Variants in NLRP7 observed in about 807,000 individuals in gnomAD.
NLRP7 encodes NLR family pyrin domain containing 7, also known as NACHT, LRR and PYD domains-containing protein 7.
In NLRP7, 72 loss-of-function variants were observed where a neutral mutation model predicts 85.5. The observed-to-expected ratio is 0.84, with a 90% CI of 0.70 to 1.02. The LOEUF (loss-of-function observed/expected upper bound fraction) is 1.02. Among genes scored for constraint, NLRP7 ranks in the 50% least tolerant of loss-of-function variants. The pLI is 0.00. For missense variants in NLRP7, 1,243 were observed against 1,219.5 expected (o/e 1.02, Z -0.29); for synonymous variants, 550 against 505.2 (o/e 1.09, Z -1.19).
rs1384317582 is a variant in NLRP7, at chr19:54,960,407, CA to C, written c.-77+5632del. Among the ~76,000 whole-genome samples, 11 of 151,700 alleles carry C rather than the reference CA, an allele frequency of 7.3e-5. No homozygotes were observed. In the East Asian group the frequency reaches 2.1e-3, roughly 29 times the overall value. On this transcript the variant is annotated intron_variant, in intron 1 of 2. Coordinates refer to the NLRP7 transcript ENST00000587103. ...CTGACCTCAAGTGATCCACCCATCT[CA>C]GCCTCCCAAAGTGCTGGGATTACAG...
chr19:54,947,342 A>G, intron 1 of NLRP7, 127 bp downstream of exon 1: 1 of 662,708 alleles, frequency 1.5e-6, no homozygotes, highest in Non-Finnish European at 2.3e-6. Flanking sequence ...AAAAAAAATC[A>G]AAGATCCTTC....
chr19:54,934,450 G>T lies in NLRP7; in HGVS notation c.2471+39C>A. ...TTACCCTTTCTCTTCTATAGCCCCAGAACTAAACCAGAGCTGCCCATGGGA... is the reference window on the plus strand; with the variant it reads ...TTACCCTTTCTCTTCTATAGCCCCATAACTAAACCAGAGCTGCCCATGGGA... On this transcript the variant is annotated intron_variant, in intron 7 of 9. Transcript: ENST00000340844. The surrounding 1 kb of genome is among the most constrained non-coding windows in gnomAD (Gnocchi z 6.7). 6.2e-7 allele frequency: 1 copy of T among 1,608,256 alleles called. No individual in the cohort carries two copies. Among genetic ancestry groups the T allele is most frequent in the Non-Finnish European group, 8.5e-7 (1 of 1,174,642 alleles).
intron 8 of NLRP7, 22 bp downstream of exon 8, chr19:54,933,547 C>T (rs761072627): frequency 2.8e-5 from 45 of 1,613,594 alleles, no homozygotes; most frequent in Non-Finnish European, 3.7e-5. Flanking sequence ...TGCACACACA[C>T]ACACACCCAG....
At chr19:54,957,451 T>C (rs1244036271) in intron 1 of NLRP7, among the ~76,000 whole-genome samples, 1 of 151,468 alleles carries the variant, frequency 6.6e-6, no homozygotes, top group African/African-American at 2.4e-5. Context: ...GTTCAAGTGA[T>C]TCTCCTGCCT....
chr19:54,941,508 C>T (rs2069223839), exon 2 of NLRP7: 1 of 1,613,836 alleles, frequency 6.2e-7, no homozygotes, highest in African/African-American at 1.3e-5. Context: ...CAGTCGCATT[C>T]CTTATCCAAT....
chr19:54,934,399 A>C lies in NLRP7; in HGVS notation c.2471+90T>G. The C allele has an allele frequency of 7.5e-7, 1 of 1,336,254 alleles. No homozygotes were observed. The highest frequency in any genetic ancestry group is 1.1e-6 in the Non-Finnish European group (1 of 926,630). The allele number at this position is 1,336,254 out of a possible 1,614,324, so 82.8% of individuals were successfully genotyped here. Reference sequence around the variant, plus strand: ...GGTGTTTATTTCAGCAAGAGGCGCCACGTGGGTGGCGCAGTAAGTCAGGTG... The same window carrying C: ...GGTGTTTATTTCAGCAAGAGGCGCCCCGTGGGTGGCGCAGTAAGTCAGGTG... On this transcript the variant is annotated intron_variant, in intron 7 of 9. Coordinates refer to ENST00000340844, the Ensembl canonical transcript of NLRP7. The surrounding 1 kb of genome is among the most constrained non-coding windows in gnomAD (Gnocchi z 6.7).
intron 1 of NLRP7, among the ~76,000 whole-genome samples, chr19:54,959,500 T>A (rs1405394157): frequency 6.6e-6 from 1 of 151,456 alleles, no homozygotes; most frequent in Non-Finnish European, 1.5e-5. Context: ...TGAGACGGTT[T>A]CTCTCTTCCC....
intron 8 of NLRP7, among the ~76,000 whole-genome samples, chr19:54,931,737 C>T (rs2068687924): frequency 6.6e-6 from 1 of 151,688 alleles, no homozygotes; most frequent in African/African-American, 2.4e-5. Context: ...GTAATCCTAG[C>T]TACTCAGGAG....
chr19:54,935,920 A>C (rs1434178994), intron 6 of NLRP7, among the ~76,000 whole-genome samples: 1 of 152,042 alleles, frequency 6.6e-6, no homozygotes, highest in Admixed American at 6.6e-5. Context: ...CTGTGGAAAA[A>C]ACTGTCTTGT....
intron 1 of NLRP7, among the ~76,000 whole-genome samples, chr19:54,964,770 G>A (rs2146300292): frequency 7.0e-6 from 1 of 142,116 alleles, no homozygotes; most frequent in African/African-American, 2.6e-5. Context: ...AGGCTGCGGG[G>A]AGCCGAGATC....
chr19:54,948,793 A>G (rs1363971612), upstream of NLRP7: 1 of 152,180 alleles, frequency 6.6e-6, no homozygotes, highest in East Asian at 1.9e-4. Context: ...CTGGTCTCAA[A>G]CTCCTGATGT....
intron 5 of NLRP7, among the ~76,000 whole-genome samples, chr19:54,936,931 C>A (rs772230564): frequency 3.4e-5 from 5 of 146,900 alleles, no homozygotes; most frequent in Non-Finnish European, 7.5e-5. Context: ...AAAAAAAATT[C>A]GCCGGGTGTG....
At chr19:54,943,907 G>A (rs569583119) in intron 1 of NLRP7, among the ~76,000 whole-genome samples, 2 of 152,146 alleles carry the variant, frequency 1.3e-5, no homozygotes, top group East Asian at 1.9e-4. Flanking sequence ...TGTGTCACAC[G>A]TGGGTTTAGG....
chr19:54,936,373 T>C, exon 6 of NLRP7: 3 of 1,614,080 alleles, frequency 1.9e-6, no homozygotes, highest in Non-Finnish European at 2.5e-6. Context: ...AGGGTCTTCT[T>C]CCCAATGAAA....
At chr19:54,949,902 A>C (rs1446791124), upstream of NLRP7, among the ~76,000 whole-genome samples, 1 of 152,154 alleles carries the variant, frequency 6.6e-6, no homozygotes, top group African/African-American at 2.4e-5. Context: ...CAAGAATTCT[A>C]GGCCAGTCTG....
chr19:54,926,915 TTAAA>T (rs373102124), intron 9 of NLRP7, among the ~76,000 whole-genome samples: 27,316 of 130,624 alleles, frequency 0.21, 3,341 homozygotes, highest in Middle Eastern at 0.34. Context: ...GACTCTGTCT[TTAAA>T]AAAAAAAAAA....
At chr19:54,938,999 C>T in exon 4 of NLRP7, 2 of 1,614,204 alleles carry the variant, frequency 1.2e-6, no homozygotes, top group Non-Finnish European at 1.7e-6. Flanking sequence ...GCTGAAGGAA[C>T]AATGCATCAC....
At chr19:54,923,656 G>A in exon 10 of NLRP7, 2 of 1,457,606 alleles carry the variant, frequency 1.4e-6, no homozygotes, top group African/African-American at 1.4e-5. Flanking sequence ...GTGTTAACAT[G>A]TGACCCTCTG....
chr19:54,955,569 G>A (rs1400356730), intron 1 of NLRP7, among the ~76,000 whole-genome samples: 1 of 152,002 alleles, frequency 6.6e-6, no homozygotes, highest in East Asian at 1.9e-4. Context: ...AAGCTGAGGT[G>A]GGTGAATCAT....
Sources: gnomAD v4.1 joint callset for allele counts (sites outside exome capture counted in the v4.1 genomes callset) on GRCh38, gnomAD v4.1.1 for gene constraint, Gnocchi (gnomAD v3.1) non-coding constraint, MANE v1.5 for transcripts, NCBI Gene and HGNC (gene_info 2026-07-23, HGNC 2026-07-21) for gene names.